The following POT1 variants were observed in gnomAD, a reference collection of about 807,000 sequenced individuals.
The protein encoded by POT1 is protection of telomeres 1.
Under a neutral mutation model 78.5 loss-of-function variants are expected in POT1, and 47 were observed. The ratio of observed to expected loss-of-function variants is 0.60; its 90% CI spans 0.47 to 0.76. The LOEUF is 0.76. Among genes scored for constraint, POT1 ranks in the 30% least tolerant of loss-of-function variants. The pLI, the probability that POT1 is intolerant of heterozygous loss-of-function variation, is 0.00. For missense variants in POT1, 646 were observed against 749.9 expected, an observed-to-expected ratio of 0.86 and a Z score of 1.62; for synonymous variants, 259 against 260.7, an observed-to-expected ratio of 0.99 and a Z score of 0.06.
At chr7:124,836,732 T>A (rs924879677) in intron 14 of POT1, among the ~76,000 whole-genome samples, 25 of 152,310 alleles carry the variant, frequency 1.6e-4, no homozygotes, top group Middle Eastern at 3.4e-3. Flanking sequence ...TTTGCAAAAC[T>A]GAGAATAATG....
chr7:124,878,591 T>C (rs1273618778), intron 6 of POT1, among the ~76,000 whole-genome samples: 1 of 152,156 alleles, frequency 6.6e-6, no homozygotes, highest in East Asian at 1.9e-4. Flanking sequence ...TCCCCCACAA[T>C]ATGTATTTGT....
intron 8 of POT1, among the ~76,000 whole-genome samples, 170 bp downstream of exon 8, chr7:124,863,180 G>A (rs1244452207): frequency 1.3e-5 from 2 of 152,098 alleles, no homozygotes; most frequent in East Asian, 1.9e-4. Flanking sequence ...ATTTTAGAGA[G>A]GTACAAGAGT....
chr7:124,900,881 C>T, intron 3 of POT1: 1 of 353,738 alleles, frequency 2.8e-6, no homozygotes, highest in Non-Finnish European at 5.9e-6. Flanking sequence ...GTCCCATGCC[C>T]ACAGAGTTTT....
At chr7:124,850,851 A>T (rs891160152) in intron 11 of POT1, among the ~76,000 whole-genome samples, 2 of 151,992 alleles carry the variant, frequency 1.3e-5, no homozygotes, top group Admixed American at 6.6e-5. Flanking sequence ...AGATGGAAAG[A>T]GAATACATCT....
At chr7:124,827,331 CAT>C in intron 16 of POT1, 26 bp from the exon 17 acceptor site, 1 of 1,331,944 alleles carries the variant, frequency 7.5e-7, no homozygotes, top group Non-Finnish European at 1.1e-6. Flanking sequence ...AAGATCAAAC[CAT>C]ATGAGTCTGC....
intron 6 of POT1, among the ~76,000 whole-genome samples, chr7:124,890,361 T>C (rs1796341028): frequency 6.6e-6 from 1 of 151,936 alleles, no homozygotes; most frequent in Non-Finnish European, 1.5e-5. Context: ...AATCTACTCC[T>C]GGTAAAGGTG....
intron 6 of POT1, among the ~76,000 whole-genome samples, chr7:124,884,008 A>G (rs1032339155): frequency 1.3e-5 from 2 of 151,966 alleles, no homozygotes; most frequent in Non-Finnish European, 2.9e-5. Context: ...AACTATGTCA[A>G]TTCCGGATAT....
At chr7:124,861,792 G>A (rs1392815401) in intron 8 of POT1, among the ~76,000 whole-genome samples, 1 of 152,150 alleles carries the variant, frequency 6.6e-6, no homozygotes, top group Non-Finnish European at 1.5e-5. Flanking sequence ...AAGGTGTAAG[G>A]AAGGGGTCTA....
At chr7:124,853,752 A>G (rs569013929) in intron 9 of POT1, among the ~76,000 whole-genome samples, 1 of 152,214 alleles carries the variant, frequency 6.6e-6, no homozygotes, top group Admixed American at 6.5e-5. Context: ...AGAGTTTTGA[A>G]TTAAATGTTC....
intron 15 of POT1, among the ~76,000 whole-genome samples, chr7:124,832,041 G>T (rs1307205832): frequency 6.7e-6 from 1 of 148,636 alleles, no homozygotes; most frequent in Non-Finnish European, 1.5e-5. Context: ...GCCAAGGTAG[G>T]CAGATTGCTT....
intron 2 of POT1, among the ~76,000 whole-genome samples, chr7:124,919,000 C>A (rs552886452): frequency 6.6e-6 from 1 of 152,192 alleles, no homozygotes; most frequent in South Asian, 2.1e-4. Context: ...AACAGGGATA[C>A]ATTCTGAAAA....
At chr7:124,828,188 C>T (rs1029698666) in intron 16 of POT1, among the ~76,000 whole-genome samples, 1 of 151,804 alleles carries the variant, frequency 6.6e-6, no homozygotes, top group African/African-American at 2.4e-5. Flanking sequence ...AGTTAAATAC[C>T]GTTTTAGCAT....
At chr7:124,891,093 C>T (rs187264964) in intron 6 of POT1, among the ~76,000 whole-genome samples, 9 of 151,752 alleles carry the variant, frequency 5.9e-5, no homozygotes, top group Admixed American at 5.9e-4. Context: ...TGGATGGTCT[C>T]CCCCATTATT....
chr7:124,837,002 A>G (rs1472976531), intron 14 of POT1, among the ~76,000 whole-genome samples: 1 of 152,226 alleles, frequency 6.6e-6, no homozygotes, highest in African/African-American at 2.4e-5. Flanking sequence ...TGCATACTAC[A>G]TTTCTCAAGG....
chr7:124,878,118 G>C (rs113394869), intron 6 of POT1, among the ~76,000 whole-genome samples: 32,804 of 151,798 alleles, frequency 0.22, 3,955 homozygotes, highest in East Asian at 0.3. Context: ...ATCACTAGTG[G>C]CCAGGAGTTT....
intron 7 of POT1, 27 bp downstream of exon 7, chr7:124,870,884 A>G (rs779527418): frequency 5.2e-6 from 8 of 1,542,058 alleles, no homozygotes; most frequent in South Asian, 2.5e-5. Context: ...TCAAATAAAT[A>G]TAAGTTCTAG....
Position 124,928,485 on chromosome 7 carries a change from C to T in POT1, c.-227+330G>A, listed in dbSNP as rs748694807. Among the ~76,000 whole-genome samples, 6 of 152,318 alleles carry T rather than the reference C, an allele frequency of 3.9e-5. No homozygotes were observed. The East Asian group carries it at 1.2e-3, about 29-fold the overall frequency. On this transcript the variant is annotated intron_variant, in intron 2 of 18. Coordinates refer to ENST00000357628, the MANE Select transcript of POT1 (RefSeq NM_015450.3). ...AACCAAAAGCTCTCTCATGTTCACA[C>T]ATCACAATGCTAATATCACACCTAT...
rs1436064065 is a variant in POT1 at position 124,825,269 on chromosome 7, G to A, written c.1775C>T (p.Pro592Leu). ...SVDMIMDMFC[P>L]PGIKIDAYPW... Reference sequence around the variant, plus strand: ...TTGCCTACCAATTTTTATTCCTGGAGGACAAAACATATCCATGATCATATC... The same window carrying A: ...TTGCCTACCAATTTTTATTCCTGGAAGACAAAACATATCCATGATCATATC... The change falls in exon 18 of 19, where the codon CCT becomes CTT. Residue 592 changes from proline (P) to leucine (L), a missense_variant. Around this residue, in one of 2 missense-constraint regions of POT1, gnomAD observed 394 missense variants for 408.4 expected, o/e 0.96. Transcript: ENST00000357628. The A allele has an allele frequency of 1.9e-6, 3 of 1,605,998 alleles. No individual in the cohort carries two copies. In the Admixed American group the frequency reaches 5.0e-5, roughly 27 times the overall value.
At chr7:124,906,737 T>G (rs1796775311) in intron 3 of POT1, among the ~76,000 whole-genome samples, 1 of 152,144 alleles carries the variant, frequency 6.6e-6, no homozygotes, top group Non-Finnish European at 1.5e-5. Flanking sequence ...AACAAATATC[T>G]GGTAAATTAA....
Sources: gnomAD v4.1 joint callset for allele counts (sites outside exome capture counted in the v4.1 genomes callset) on GRCh38, gnomAD v4.1.1 for gene constraint, gnomAD v4.1.1 regional missense constraint, MANE v1.5 for transcripts, NCBI Gene and HGNC (gene_info 2026-07-23, HGNC 2026-07-21) for gene names.